Variants in MCTP1 observed in about 807,000 individuals in gnomAD.
MCTP1 encodes the protein multiple C2 and transmembrane domain containing 1.
A neutral mutation model predicts 120.6 loss-of-function variants in MCTP1; 69 were observed. That is an observed-to-expected ratio of 0.57 (90% CI 0.47 to 0.70). The LOEUF is 0.70. MCTP1 is among the 30% of genes least tolerant of loss of function. The pLI, the probability that MCTP1 is intolerant of heterozygous loss-of-function variation, is 0.00. For missense variants in MCTP1, 1,203 were observed against 1,248.8 expected, an observed-to-expected ratio of 0.96 and a Z score of 0.55; for synonymous variants, 529 against 493.1, an observed-to-expected ratio of 1.07 and a Z score of -0.96.
chr5:95,213,691 G>A (rs1324900038), intron 1 of MCTP1, among the ~76,000 whole-genome samples: 4 of 151,408 alleles, frequency 2.6e-5, no homozygotes, highest in South Asian at 2.1e-4. Flanking sequence ...ACAGAACAGA[G>A]CCCTCAGAAA....
At chr5:94,938,664 T>C (rs1423501338) in intron 5 of MCTP1, among the ~76,000 whole-genome samples, 1 of 152,020 alleles carries the variant, frequency 6.6e-6, no homozygotes, top group African/African-American at 2.4e-5. Context: ...CTCCACTGGG[T>C]CTAAGTTCTA....
At chr5:94,929,747 C>G in intron 6 of MCTP1, 1 of 897,744 alleles carries the variant, frequency 1.1e-6, no homozygotes, top group Non-Finnish European at 1.3e-6. Flanking sequence ...AACTTTCCCC[C>G]GATTTTGGAT....
In MCTP1 at chr5:95,138,396, C is replaced by G. The variant is rs75084550; in HGVS notation, c.721-120912G>C. 3.5e-4 allele frequency among the ~76,000 whole-genome samples: 54 copies of G among 152,304 alleles called. No individual in the cohort carries two copies. The East Asian group carries it at 9.8e-3, about 28-fold the overall frequency. On this transcript the variant is annotated intron_variant, in intron 1 of 22. Coordinates refer to ENST00000515393, the MANE Select transcript of MCTP1 (RefSeq NM_024717.7). Reference sequence around the variant, plus strand: ...AGAACACAGCCTTGTCAATCTCCATCCAGGTTTTTCTCACTATCCTCTCCT... The same window carrying G: ...AGAACACAGCCTTGTCAATCTCCATGCAGGTTTTTCTCACTATCCTCTCCT...
At chr5:95,247,456 T>C (rs982568327) in intron 1 of MCTP1, among the ~76,000 whole-genome samples, 1 of 152,194 alleles carries the variant, frequency 6.6e-6, no homozygotes, top group Admixed American at 6.6e-5. Context: ...TTTCTTTTGC[T>C]TCTCTAGTTC....
At chr5:94,787,548 C>A (rs942881557) in intron 18 of MCTP1, among the ~76,000 whole-genome samples, 2 of 152,048 alleles carry the variant, frequency 1.3e-5, no homozygotes, top group Non-Finnish European at 2.9e-5. Context: ...AATGTCTAAG[C>A]CCCCACTTGC....
intron 18 of MCTP1, among the ~76,000 whole-genome samples, chr5:94,796,632 T>TATATATA (rs1780112413): frequency 2.7e-5 from 2 of 75,040 alleles, no homozygotes; most frequent in African/African-American, 8.0e-5. Flanking sequence ...TAATATATAT[T>TATATATA]ATATATGTAA....
rs369614907 is a variant in MCTP1 at position 94,940,143 on chromosome 5, G to T, written c.1114C>A (p.Leu372Ile). ...ATGACTGAGAGCAAAATGATTCCAAGATCATGGTCAGGATAATGAGGATCT... is the reference window on the plus strand; with the variant it reads ...ATGACTGAGAGCAAAATGATTCCAATATCATGGTCAGGATAATGAGGATCT... ...LKDPHYPDHD[L>I]GIILLSVILT... Residue 372 changes from leucine (L) to isoleucine (I), a missense_variant, in exon 5 of 23, where the codon CTT becomes ATT. Leu to Ile is a conservative substitution (Grantham distance 5). This residue lies in a region of MCTP1 where 740 missense variants were observed against 871.1 expected (regional missense o/e 0.85). Coordinates refer to ENST00000515393, the MANE Select transcript of MCTP1 (RefSeq NM_024717.7). The T allele has an allele frequency of 4.3e-6, 7 of 1,609,950 alleles. No individual in the cohort carries two copies. In the African/African-American group the frequency reaches 9.4e-5, roughly 22 times the overall value.
chr5:95,282,450 A>C (rs1760401840), intron 1 of MCTP1, among the ~76,000 whole-genome samples: 1 of 152,188 alleles, frequency 6.6e-6, no homozygotes. Context: ...CAACTCTGAA[A>C]TTCTTCTACA....
Position 95,284,433 on chromosome 5 carries a change from C to T in MCTP1, c.143G>A (p.Arg48His), listed in dbSNP as rs1387331385. ...GGGGRAGGPE[R>H]RTADTPSPSP... ...GGGCGACGGGGTGTCCGCAGTGCGG[C>T]GCTCTGGACCCCCAGCGCGCCCGCC... is the stretch of plus-strand genomic sequence containing the variant. The change falls in exon 1 of 23, where the codon CGC (arginine) becomes CAC (histidine). Residue 48 changes from arginine (R) to histidine (H), a missense_variant. Coordinates refer to ENST00000515393, the MANE Select transcript of MCTP1 (RefSeq NM_024717.7). The surrounding 1 kb of genome is among the most constrained non-coding windows in gnomAD (Gnocchi z 5.2). The T allele has an allele frequency of 6.5e-7, 1 of 1,543,664 alleles. No individual in the cohort carries two copies. Among genetic ancestry groups the T allele is most frequent in the Non-Finnish European group, 8.7e-7 (1 of 1,153,452 alleles).
chr5:95,066,188 A>G lies in MCTP1; in HGVS notation c.721-48704T>C, dbSNP rs549148055. Among the ~76,000 whole-genome samples, 59 of 152,140 alleles carry G rather than the reference A, an allele frequency of 3.9e-4. No individual in the cohort carries two copies. The South Asian group carries it at 0.011, about 29-fold the overall frequency. On this transcript the variant is annotated intron_variant, in intron 1 of 22. Transcript: ENST00000515393. ...AACCAAATAATCAAACTTAAAAATG[A>G]CAAAGACCTGAATAGATCTTCCTGA...
chr5:94,861,678 G>T (rs1189992259), intron 17 of MCTP1, among the ~76,000 whole-genome samples: 1 of 151,680 alleles, frequency 6.6e-6, no homozygotes, highest in African/African-American at 2.4e-5. Context: ...TGTCCTTTAC[G>T]ATTGAAATCA....
chr5:95,092,832 C>T (rs968586235), intron 1 of MCTP1, among the ~76,000 whole-genome samples: 1 of 152,152 alleles, frequency 6.6e-6, no homozygotes, highest in African/African-American at 2.4e-5. Flanking sequence ...TCAGAAAAAT[C>T]TAAGGCAGTG....
Position 95,072,966 on chromosome 5 carries a change from C to T in MCTP1, c.721-55482G>A, listed in dbSNP as rs145369415. 6.0e-3 allele frequency among the ~76,000 whole-genome samples: 906 copies of T among 152,060 alleles called. 10 individuals carry two copies. The highest frequency in any genetic ancestry group is 0.02 in the African/African-American group (850 of 41,486). On this transcript the variant is annotated intron_variant, in intron 1 of 22. Coordinates refer to ENST00000515393, the MANE Select transcript of MCTP1 (RefSeq NM_024717.7). The stretch of plus-strand genomic sequence containing the variant: ...TTCACCGTGTTAGCCAGGATGGTCT[C>T]GATCTCCTGACCTCGTGATCCGTTC...
At chr5:95,166,479 T>A (rs1746371024) in intron 1 of MCTP1, among the ~76,000 whole-genome samples, 1 of 152,144 alleles carries the variant, frequency 6.6e-6, no homozygotes, top group African/African-American at 2.4e-5. Flanking sequence ...CAAAAGCCAC[T>A]CCATAATTCA....
Position 94,706,392 on chromosome 5 carries a change from C to T in MCTP1, c.*1104G>A, listed in dbSNP as rs1400597552. 6.6e-5 allele frequency: 10 copies of T among 150,704 alleles called. No homozygotes were observed. Among genetic ancestry groups the T allele is most frequent in the Non-Finnish European group, 1.0e-4 (7 of 67,620 alleles). 9.3% of individuals were successfully genotyped at this position (150,704 alleles called of 1,614,324 possible). ...CATTGATAAAGGCAACCACCACCCC[C>T]AAGCAGTTTATTTTATTTTACAAAA... On this transcript the variant is annotated 3_prime_UTR_variant, in exon 23 of 23. Transcript: ENST00000515393.
chr5:95,163,509 T>G (rs1745977110), intron 1 of MCTP1, among the ~76,000 whole-genome samples: 1 of 152,190 alleles, frequency 6.6e-6, no homozygotes, highest in Non-Finnish European at 1.5e-5. Flanking sequence ...AAATGCATAT[T>G]AGCCTGTAAG....
intron 1 of MCTP1, among the ~76,000 whole-genome samples, chr5:95,066,194 A>G (rs760002976): frequency 6.6e-6 from 1 of 152,114 alleles, no homozygotes; most frequent in Non-Finnish European, 1.5e-5. Context: ...AATGACAAAG[A>G]CCTGAATAGA....
Position 94,958,573 on chromosome 5 carries a change from T to C in MCTP1, c.839-5212A>G, listed in dbSNP as rs183479486. Among the ~76,000 whole-genome samples the C allele has an allele frequency of 2.2e-3, 331 of 152,224 alleles. 2 individuals carry two copies. The highest frequency in any genetic ancestry group is 7.4e-3 in the African/African-American group (308 of 41,550). ...AGAATCAAATAGACGCAATAAAAAA[T>C]GATAAAGGCAGTATCACCACTGATA... On this transcript the variant is annotated intron_variant, in intron 2 of 22. Transcript: ENST00000515393.
chr5:95,049,690 T>C (rs2151982017), intron 1 of MCTP1, among the ~76,000 whole-genome samples: 1 of 152,316 alleles, frequency 6.6e-6, no homozygotes, highest in African/African-American at 2.4e-5. Flanking sequence ...AATTATCTAA[T>C]GATCACATCC....
Sources: allele counts gnomAD v4.1 joint callset (sites outside exome capture counted in the v4.1 genomes callset), GRCh38; gene constraint gnomAD v4.1.1; regional missense constraint gnomAD v4.1.1; non-coding constraint Gnocchi (gnomAD v3.1); transcripts MANE v1.5; gene names NCBI Gene and HGNC (gene_info 2026-07-23, HGNC 2026-07-21).